LTBP4: variants seen among roughly 807,000 people sequenced by gnomAD.
The protein encoded by LTBP4 is latent-transforming growth factor beta-binding protein 4.
A neutral mutation model predicts 180.2 loss-of-function variants in LTBP4; 93 were observed. The ratio of observed to expected loss-of-function variants is 0.52; its 90% CI spans 0.44 to 0.61. The LOEUF is 0.61. LTBP4 is among the 20% of genes least tolerant of loss of function. The pLI is 0.00. For missense variants in LTBP4, 2,116 were observed against 2,256.5 expected (o/e 0.94, Z 1.26); for synonymous variants, 947 against 934.5 (o/e 1.01, Z -0.24).
At position 40,611,191 on chromosome 19, in the gene LTBP4, G is replaced by T; in HGVS notation, c.1850G>T (p.Arg617Leu). 1 of 1,613,984 alleles carries T rather than the reference G, an allele frequency of 6.2e-7. No homozygotes were observed. Among genetic ancestry groups the T allele is most frequent in the Non-Finnish European group, 8.5e-7 (1 of 1,179,880 alleles). Residue 617 changes from arginine to leucine, a missense_variant, in exon 13 of 30, where the codon CGA becomes CTA. By Grantham distance (102) the Arg-to-Leu change is moderately radical (BLOSUM62 -2). Around this residue, in one of 5 missense-constraint regions of LTBP4, gnomAD observed 877 missense variants for 873.6 expected, o/e 1.00. Transcript: ENST00000396819. This position sits in a 1 kb window ranked among gnomAD's most constrained non-coding sequence, Gnocchi z 4.4. Reference protein sequence around the residue: ...ECTQSPGLCGRGACKNLPGSF... With the variant: ...ECTQSPGLCGLGACKNLPGSF... ...ACCCAGAGCCCAGGCCTGTGTGGCC[G>T]AGGGGCCTGCAAGAACCTGCCTGGC...
At position 40,609,826 on chromosome 19, in the gene LTBP4, T is replaced by G. The variant is rs1190681507; in HGVS notation, c.1639T>G (p.Cys547Gly). 1 of 1,603,866 alleles carries G rather than the reference T, an allele frequency of 6.2e-7. No homozygotes were observed. The highest frequency in any genetic ancestry group is 8.5e-7 in the Non-Finnish European group (1 of 1,175,130). Residue 547 changes from cysteine to glycine, a missense_variant, in exon 11 of 30, where the codon TGC (cysteine) becomes GGC (glycine). Physicochemically the swap from Cys to Gly is radical, Grantham distance 159 (BLOSUM62 -3). Around this residue, in one of 5 missense-constraint regions of LTBP4, gnomAD observed 877 missense variants for 873.6 expected, o/e 1.00. Coordinates refer to ENST00000396819, the MANE Select transcript of LTBP4 (RefSeq NM_001042545.2). This position sits in a 1 kb window ranked among gnomAD's most constrained non-coding sequence, Gnocchi z 4.9. The part of the protein sequence containing the change: ...ENSPGSFRCV[C>G]GPGFRAGPRA... ...CTCACCAGGCAGCTTCCGCTGCGTGTGCGGCCCGGGCTTCCGAGCCGGCCC... is the reference window on the plus strand; with the variant it reads ...CTCACCAGGCAGCTTCCGCTGCGTGGGCGGCCCGGGCTTCCGAGCCGGCCC...
chr19:40,615,943 A>G (rs2081545851), intron 19 of LTBP4, among the ~76,000 whole-genome samples: 1 of 152,218 alleles, frequency 6.6e-6, no homozygotes, highest in East Asian at 1.9e-4. Context: ...AAACAAAGCA[A>G]GACAAATGGG....
chr19:40,621,704 G>T (rs2146042799), intron 22 of LTBP4, among the ~76,000 whole-genome samples: 1 of 152,254 alleles, frequency 6.6e-6, no homozygotes, highest in South Asian at 2.1e-4. Context: ...TGGACAAGCT[G>T]TGGATGTCTG....
rs1568414647 is a variant in LTBP4, at chr19:40,625,316, A to ATATT, written c.3833-540_3833-539insATTT. ...TATATATATATATATATATATATAT[A>ATATT]TTTTTTTTTTTAAAGATGGGTTTTT... On this transcript the variant is annotated intron_variant, in intron 26 of 29. Transcript: ENST00000396819. Among the ~76,000 whole-genome samples, 18 of 21,920 alleles carry ATATT rather than the reference A, an allele frequency of 8.2e-4. 4 individuals are homozygous for ATATT. The highest frequency in any genetic ancestry group is 1.4e-3 in the Non-Finnish European group (18 of 12,644). The allele number at this position is 21,920 out of a possible 152,430, so 14.4% of individuals were successfully genotyped here.
At position 40,613,452 on chromosome 19, in the gene LTBP4, G is replaced by A. The variant is rs922758512; in HGVS notation, c.2480G>A (p.Cys827Tyr). Residue 827 changes from cysteine to tyrosine, a missense_variant, in exon 17 of 30, where the codon TGC becomes TAC. Physicochemically the swap from Cys to Tyr is radical, Grantham distance 194 (BLOSUM62 -2). Transcript: ENST00000396819. The surrounding 1 kb of genome is among the most constrained non-coding windows in gnomAD (Gnocchi z 5.0). The part of the protein sequence containing the change: ...EGDFCFPHGE[C>Y]LNTDGSFACT... ...GATTTCTGCTTCCCTCACGGCGAGTGCCTCAACACTGACGGCTCCTTTGCC... is the reference window on the plus strand; with the variant it reads ...GATTTCTGCTTCCCTCACGGCGAGTACCTCAACACTGACGGCTCCTTTGCC... 1 of 1,602,206 alleles carries A rather than the reference G, an allele frequency of 6.2e-7. No individual in the cohort carries two copies. The highest frequency in any genetic ancestry group is 1.7e-5 in the Admixed American group (1 of 58,600).
Position 40,605,810 on chromosome 19 carries a change from C to A in LTBP4, c.772C>A (p.Gln258Lys). Reference protein sequence around the residue: ...AGLAWGVHDCQLCSERLGNSE... With the variant: ...AGLAWGVHDCKLCSERLGNSE... Reference sequence around the variant, plus strand: ...CTTGGCCTGGGGCGTTCACGACTGTCAGCTGTGCTCCGAGCGCCTGGGTAA... The same window carrying A: ...CTTGGCCTGGGGCGTTCACGACTGTAAGCTGTGCTCCGAGCGCCTGGGTAA... The change falls in exon 4 of 30, where the codon CAG becomes AAG. Residue 258 changes from glutamine to lysine, a missense_variant. Coordinates refer to ENST00000396819, the MANE Select transcript of LTBP4 (RefSeq NM_001042545.2). This position sits in a 1 kb window ranked among gnomAD's most constrained non-coding sequence, Gnocchi z 5.5. 1 of 1,539,192 alleles carries A rather than the reference C, an allele frequency of 6.5e-7. No individual in the cohort carries two copies.
chr19:40,605,979 CA>C lies in LTBP4; in HGVS notation c.793+149del. 11 of 993,120 alleles carry C rather than the reference CA, an allele frequency of 1.1e-5. No homozygotes were observed. The South Asian group carries it at 1.8e-4, about 16-fold the overall frequency. 61.5% of individuals were successfully genotyped at this position (993,120 alleles called of 1,614,324 possible). A position where few individuals can be genotyped will look rare whatever the true frequency, so the allele number is the denominator to read the frequency against. ...AGGCGACTTCCAGTCCTGAGCTTTT[CA>C]TACCGCTCTGGGACCACCCACCCCA... On this transcript the variant is annotated intron_variant, in intron 4 of 29. Coordinates refer to ENST00000396819, the MANE Select transcript of LTBP4 (RefSeq NM_001042545.2). The surrounding 1 kb of genome is among the most constrained non-coding windows in gnomAD (Gnocchi z 5.5).
At chr19:40,608,652 C>A (rs916708873) in intron 9 of LTBP4, 49 bp downstream of exon 9, 2 of 1,543,704 alleles carry the variant, frequency 1.3e-6, no homozygotes, top group Non-Finnish European at 1.7e-6. Context: ...GTGGCTCACG[C>A]CTGTAATCCC....
chr19:40,628,802 C>A (rs1277312718), intron 29 of LTBP4, among the ~76,000 whole-genome samples: 2 of 152,060 alleles, frequency 1.3e-5, no homozygotes, highest in East Asian at 3.9e-4. Context: ...TAAAACAATG[C>A]ATGAACATTT....
At position 40,609,522 on chromosome 19, in the gene LTBP4, C is replaced by T. The variant is rs772907998; in HGVS notation, c.1427-8C>T. On this transcript the variant is annotated splice_polypyrimidine_tract_variant and splice_region_variant and intron_variant, in intron 9 of 29. Coordinates refer to ENST00000396819, the MANE Select transcript of LTBP4 (RefSeq NM_001042545.2). The surrounding 1 kb of genome is among the most constrained non-coding windows in gnomAD (Gnocchi z 4.9). The stretch of plus-strand genomic sequence containing the variant: ...GATGGGGGAACCCTGGCTGACTGGA[C>T]CCCCCAGGTCCCTCCTCCGGCATGT... The T allele has an allele frequency of 3.2e-5, 51 of 1,609,280 alleles. No individual in the cohort carries two copies. The highest frequency in any genetic ancestry group is 3.9e-5 in the Non-Finnish European group (46 of 1,177,016).
intron 25 of LTBP4, 27 bp downstream of exon 25, chr19:40,623,759 C>A (rs767002525): frequency 1.2e-6 from 2 of 1,612,924 alleles, no homozygotes; most frequent in Non-Finnish European, 1.7e-6. Context: ...CCCCAACCCC[C>A]GGCAACTCTC....
At position 40,613,848 on chromosome 19, in the gene LTBP4, A is replaced by G. The variant is rs777154690; in HGVS notation, c.2558-68A>G. ...GCCTAGGAGAGCCGAGGGGCGGTGG[A>G]GGGGTGTGGCCTAGAATGTTAGGCG... is the stretch of plus-strand genomic sequence containing the variant. On this transcript the variant is annotated intron_variant, in intron 17 of 29. Coordinates refer to ENST00000396819, the MANE Select transcript of LTBP4 (RefSeq NM_001042545.2). This position sits in a 1 kb window ranked among gnomAD's most constrained non-coding sequence, Gnocchi z 5.0. 2.5e-6 allele frequency: 4 copies of G among 1,604,194 alleles called. No individual in the cohort carries two copies. Among genetic ancestry groups the G allele is most frequent in the Admixed American group, 1.7e-5 (1 of 59,418 alleles).
upstream of LTBP4, chr19:40,599,494 A>G (rs748711192): frequency 6.2e-7 from 1 of 1,613,732 alleles, no homozygotes; most frequent in Non-Finnish European, 8.5e-7. Flanking sequence ...CAGTGCCTGC[A>G]GTGCCCAGTC....
At chr19:40,615,269 G>C (rs2081541082) in intron 19 of LTBP4, 1 of 149,318 alleles carries the variant, frequency 6.7e-6, no homozygotes, top group East Asian at 2.0e-4. Flanking sequence ...GTGGGCTGCC[G>C]TTGACTCTGC....
intron 19 of LTBP4, among the ~76,000 whole-genome samples, chr19:40,614,783 G>A (rs965374685): frequency 2.6e-5 from 4 of 151,844 alleles, no homozygotes; most frequent in Admixed American, 2.6e-4. Flanking sequence ...CCCTCTTCAG[G>A]CCCCTTCTCT....
intron 19 of LTBP4, among the ~76,000 whole-genome samples, chr19:40,616,054 CTG>C (rs1187752464): frequency 1.3e-5 from 2 of 152,160 alleles, no homozygotes; most frequent in African/African-American, 4.8e-5. Flanking sequence ...TGAGGGGAGA[CTG>C]TTCCTGGCAG....
Position 40,613,806 on chromosome 19 carries a change from T to C in LTBP4, c.2558-110T>C, listed in dbSNP as rs2081526377. On this transcript the variant is annotated intron_variant, in intron 17 of 29. Transcript: ENST00000396819. This position sits in a 1 kb window ranked among gnomAD's most constrained non-coding sequence, Gnocchi z 5.0. Reference sequence around the variant, plus strand: ...GGGAGGGAAGTAGCGTGAGGCAGGTTGGGGAAGGCGTGAGAGGCCTAGGAG... The same window carrying C: ...GGGAGGGAAGTAGCGTGAGGCAGGTCGGGGAAGGCGTGAGAGGCCTAGGAG... 6.7e-7 allele frequency: 1 copy of C among 1,500,180 alleles called. No individual in the cohort carries two copies. The highest frequency in any genetic ancestry group is 9.1e-7 in the Non-Finnish European group (1 of 1,099,076). 92.9% of individuals were successfully genotyped at this position (1,500,180 alleles called of 1,614,324 possible).
At position 40,611,383 on chromosome 19, in the gene LTBP4, C is replaced by T. The variant is rs1240834686; in HGVS notation, c.2042C>T (p.Ala681Val). 6.2e-7 allele frequency: 1 copy of T among 1,605,546 alleles called. No individual in the cohort carries two copies. The highest frequency in any genetic ancestry group is 1.3e-5 in the African/African-American group (1 of 74,758). Residue 681 changes from alanine (A) to valine (V), a missense_variant, in exon 13 of 30, where the codon GCC becomes GTC. By Grantham distance (64) the Ala-to-Val change is moderately conservative (BLOSUM62 0). Around this residue, in one of 5 missense-constraint regions of LTBP4, gnomAD observed 877 missense variants for 873.6 expected, o/e 1.00. Coordinates refer to ENST00000396819, the MANE Select transcript of LTBP4 (RefSeq NM_001042545.2). This position sits in a 1 kb window ranked among gnomAD's most constrained non-coding sequence, Gnocchi z 4.4. ...PAGFRSRGPG[A>V]PCQDVDECAR... Reference sequence around the variant, plus strand: ...GGCTTCCGCTCCCGAGGGCCCGGGGCCCCCTGCCAAGGTGAGGGTGCTGAG... The same window carrying T: ...GGCTTCCGCTCCCGAGGGCCCGGGGTCCCCTGCCAAGGTGAGGGTGCTGAG...
At chr19:40,606,915 A>AT (rs967703754) in intron 6 of LTBP4, among the ~76,000 whole-genome samples, 5 of 152,012 alleles carry the variant, frequency 3.3e-5, no homozygotes, top group African/African-American at 7.2e-5. Context: ...GCCCGGCTAA[A>AT]TTTTTTTGTA....
Sources: gnomAD v4.1 joint callset for allele counts (sites outside exome capture counted in the v4.1 genomes callset) on GRCh38, gnomAD v4.1.1 for gene constraint, gnomAD v4.1.1 regional missense constraint, Gnocchi (gnomAD v3.1) non-coding constraint, MANE v1.5 for transcripts, NCBI Gene and HGNC (gene_info 2026-07-23, HGNC 2026-07-21) for gene names.